The following ADGRF3 variants were observed in gnomAD, a reference collection of about 807,000 sequenced individuals.
ADGRF3 encodes adhesion G protein-coupled receptor F3.
Under a neutral mutation model 93.2 loss-of-function variants are expected in ADGRF3, and 85 were observed. The observed-to-expected ratio is 0.91, with a 90% confidence interval of 0.77 to 1.09. The LOEUF (loss-of-function observed/expected upper bound fraction) is 1.09. Ranked by LOEUF, ADGRF3 falls within the 50% of genes least tolerant of loss-of-function variation. The pLI, the probability that ADGRF3 is intolerant of heterozygous loss-of-function variation, is 0.00. For synonymous variants in ADGRF3, 534 were observed against 532.5 expected (o/e 1.00, Z -0.04); for missense variants, 1,125 against 1,246.2 (o/e 0.90, Z 1.46).
At chr2:26,317,888 T>G (rs1307667671) in intron 1 of ADGRF3, 8 of 779,782 alleles carry the variant, frequency 1.0e-5, no homozygotes, top group Non-Finnish European at 8.8e-6. Context: ...GCAGCGGAGC[T>G]GGACATTGCT....
Position 26,323,921 on chromosome 2 carries a change from G to A in ADGRF3, c.115-6359C>T, listed in dbSNP as rs142298028. On this transcript the variant is annotated intron_variant, in intron 1 of 13. Coordinates refer to ENST00000651242, the MANE Select transcript of ADGRF3 (RefSeq NM_001321971.2). ...TAGGATTACAAGCATGAGCCACTGC[G>A]CCCGGCCTCCATTACCTCTTATAGA... 3.4e-4 allele frequency among the ~76,000 whole-genome samples: 52 copies of A among 151,534 alleles called. 2 individuals carry two copies. The East Asian group carries it at 8.9e-3, about 26-fold the overall frequency.
chr2:26,312,843 A>G (rs1674303428), intron 9 of ADGRF3, 100 bp downstream of exon 9: 1 of 1,145,884 alleles, frequency 8.7e-7, no homozygotes, highest in Non-Finnish European at 1.2e-6. Flanking sequence ...CTGCTGCCCA[A>G]CAGCCCATGG....
chr2:26,312,449 C>T (rs936504028), intron 9 of ADGRF3, among the ~76,000 whole-genome samples: 12 of 152,316 alleles, frequency 7.9e-5, no homozygotes, highest in South Asian at 2.1e-4. Context: ...TAGAGGGCAC[C>T]GTGTCCTGGA....
At chr2:26,340,103 T>C (rs180803377) in intron 1 of ADGRF3, among the ~76,000 whole-genome samples, 120 of 152,316 alleles carry the variant, frequency 7.9e-4, no homozygotes, top group East Asian at 3.5e-3. Flanking sequence ...CTGTGTTCAA[T>C]TGCAATTTTA....
In ADGRF3 at chr2:26,308,919, G is replaced by T; in HGVS notation, c.*167C>A. The T allele has an allele frequency of 1.2e-6, 1 of 848,482 alleles. No individual in the cohort carries two copies. The highest frequency in any genetic ancestry group is 1.9e-6 in the Non-Finnish European group (1 of 532,810). 52.6% of individuals were successfully genotyped at this position (848,482 alleles called of 1,614,324 possible). A position where few individuals can be genotyped will look rare whatever the true frequency, so the allele number is the denominator to read the frequency against. ...CTGGATACTTTAGAAATGAGAAGGG[G>T]TGAGCTGTAAGATAAATGAGTGTCA... On this transcript the variant is annotated 3_prime_UTR_variant, in exon 14 of 14. Transcript: ENST00000651242.
intron 1 of ADGRF3, among the ~76,000 whole-genome samples, chr2:26,320,569 A>G (rs957498144): frequency 1.2e-4 from 19 of 152,218 alleles, no homozygotes; most frequent in Non-Finnish European, 2.5e-4. Context: ...TCAGAAATAC[A>G]AATCAAACAA....
Position 26,311,685 on chromosome 2 carries a change from A to G in ADGRF3, c.1839T>C (p.Thr613=). 1 of 1,613,478 alleles carries G rather than the reference A, an allele frequency of 6.2e-7. No homozygotes were observed. Among genetic ancestry groups the G allele is most frequent in the Non-Finnish European group, 8.5e-7 (1 of 1,179,784 alleles). ...GQGLGDSLYA[T]PGLVLVISIM... ...TGGAAATGACAAGGACCAGGCCAGG[A>G]GTGGCATAGAGGGAATCCCCCAGCC... The change falls in exon 10 of 14, where the codon ACT becomes ACC. Residue 613 remains threonine, a synonymous_variant. Coordinates refer to ENST00000651242, the MANE Select transcript of ADGRF3 (RefSeq NM_001321971.2).
intron 6 of ADGRF3, 143 bp from the exon 7 acceptor site, chr2:26,314,046 C>T (rs1195237939): frequency 1.9e-6 from 2 of 1,039,738 alleles, no homozygotes; most frequent in South Asian, 1.5e-5. Context: ...GTGTGGGCTC[C>T]ACTTGGACAG....
chr2:26,316,730 G>A (rs1040815842), intron 3 of ADGRF3, among the ~76,000 whole-genome samples, 182 bp downstream of exon 3: 7 of 152,234 alleles, frequency 4.6e-5, no homozygotes, highest in Non-Finnish European at 1.0e-4. Context: ...GGGGGATGTG[G>A]CAGGCAAGGA....
chr2:26,312,181 G>T, intron 9 of ADGRF3, 107 bp from the exon 10 acceptor site: 1 of 1,121,134 alleles, frequency 8.9e-7, no homozygotes, highest in Non-Finnish European at 1.3e-6. Flanking sequence ...AGTCCAGTGT[G>T]CGACCCAAGG....
At chr2:26,343,209 T>C (rs1676487086) in intron 1 of ADGRF3, among the ~76,000 whole-genome samples, 1 of 152,142 alleles carries the variant, frequency 6.6e-6, no homozygotes, top group African/African-American at 2.4e-5. Flanking sequence ...TGGTCCCTCA[T>C]TGACGGAAAC....
rs1412165631 is a variant in ADGRF3, at chr2:26,346,292, AC to A, written c.-59del. ...TGGCTGGCTTTGATAAGTACAAGGT[AC>A]CGCGGGCCGGCGGATGCCCCTCTCC... On this transcript the variant is annotated 5_prime_UTR_variant, in exon 1 of 14. It removes the in-frame stop codon of an upstream open reading frame in the 5' UTR. Coordinates refer to ENST00000651242, the MANE Select transcript of ADGRF3 (RefSeq NM_001321971.2). 3 of 1,605,592 alleles carry A rather than the reference AC, an allele frequency of 1.9e-6. No homozygotes were observed. In the Admixed American group the frequency reaches 5.0e-5, roughly 27 times the overall value.
At position 26,318,966 on chromosome 2, in the gene ADGRF3, A is replaced by T. The variant is rs973511032; in HGVS notation, c.115-1404T>A. 7.7e-6 allele frequency: 12 copies of T among 1,551,504 alleles called. No individual in the cohort carries two copies. The African/African-American group carries it at 1.4e-4, about 18-fold the overall frequency. On this transcript the variant is annotated intron_variant, in intron 1 of 13. Coordinates refer to ENST00000651242, the MANE Select transcript of ADGRF3 (RefSeq NM_001321971.2). ...TGGGTCTCACCCCAGTCTCACTTAC[A>T]GGTTGGGATGCTTGGGCAACTGGTG...
intron 1 of ADGRF3, among the ~76,000 whole-genome samples, chr2:26,328,910 GAATAATGACCACCCAA>G (rs950691891): frequency 4.6e-5 from 7 of 152,196 alleles, no homozygotes; most frequent in Non-Finnish European, 1.0e-4. Flanking sequence ...TGGATAGACA[GAATAATGACCACCCAA>G]AGATGTCCAT....
chr2:26,341,116 C>T (rs150840013), intron 1 of ADGRF3, among the ~76,000 whole-genome samples: 2,610 of 152,272 alleles, frequency 0.017, 64 homozygotes, highest in African/African-American at 0.058. Flanking sequence ...AGGTGGCTCA[C>T]GCCTGTAATC....
rs116766499 is a variant in ADGRF3 at position 26,340,947 on chromosome 2, G to A, written c.114+5174C>T. ...AAAAAGAATGGCAAATATGTAGATG[G>A]TCTAAATTACTAGACCTGTGATTTT... On this transcript the variant is annotated intron_variant, in intron 1 of 13. Transcript: ENST00000651242. Among the ~76,000 whole-genome samples, 1,434 of 152,268 alleles carry A rather than the reference G, an allele frequency of 9.4e-3. 29 individuals are homozygous for A. Among genetic ancestry groups the A allele is most frequent in the African/African-American group, 0.033 (1,359 of 41,556 alleles).
intron 1 of ADGRF3, chr2:26,318,026 C>T (rs1358754323): frequency 1.9e-6 from 3 of 1,550,710 alleles, no homozygotes; most frequent in African/African-American, 2.7e-5. Flanking sequence ...CCTCCTCTGT[C>T]AGGGTGAGGG....
chr2:26,342,820 G>C (rs1206349098), intron 1 of ADGRF3, among the ~76,000 whole-genome samples: 2 of 152,198 alleles, frequency 1.3e-5, no homozygotes, highest in Non-Finnish European at 2.9e-5. Flanking sequence ...AATAAAATTT[G>C]GGAACGAGGA....
chr2:26,315,488 G>T, intron 5 of ADGRF3, 34 bp downstream of exon 5: 1 of 1,536,390 alleles, frequency 6.5e-7, no homozygotes, highest in South Asian at 1.2e-5. Flanking sequence ...TAAGAGGAAG[G>T]AGAAAGGAGG....
Sources: allele counts gnomAD v4.1 joint callset (sites outside exome capture counted in the v4.1 genomes callset), GRCh38; gene constraint gnomAD v4.1.1; transcripts MANE v1.5; gene names NCBI Gene and HGNC (gene_info 2026-07-23, HGNC 2026-07-21).